Variants in APOLD1 observed in about 807,000 individuals in gnomAD.
The protein encoded by APOLD1 is apolipoprotein L domain containing 1.
APOLD1 carries 22 observed loss-of-function variants against 15.3 expected under a neutral mutation model. That is an observed-to-expected ratio of 1.44 (90% CI 1.03 to 2.05). The LOEUF is 2.05. APOLD1 is among the 30% of genes most tolerant of loss of function. APOLD1 has a pLI of 0.00. For synonymous variants in APOLD1, 190 were observed against 167.4 expected, an observed-to-expected ratio of 1.13 and a Z score of -1.04; for missense variants, 394 against 353.5, an observed-to-expected ratio of 1.11 and a Z score of -0.92.
intron 1 of APOLD1, among the ~76,000 whole-genome samples, chr12:12,741,207 C>T (rs1034839807): frequency 1.3e-5 from 2 of 152,022 alleles, no homozygotes; most frequent in African/African-American, 2.4e-5. Flanking sequence ...ACTTTTTTTA[C>T]GAACTTGAAA....
intron 1 of APOLD1, among the ~76,000 whole-genome samples, chr12:12,745,085 T>C (rs1334124365): frequency 6.6e-6 from 1 of 152,178 alleles, no homozygotes; most frequent in Admixed American, 6.5e-5. Context: ...CCTCCCTTCC[T>C]GTCTAAAAAA....
At chr12:12,739,816 C>CT (rs35885205) in intron 1 of APOLD1, among the ~76,000 whole-genome samples, 19 of 111,730 alleles carry the variant, frequency 1.7e-4, no homozygotes, top group African/African-American at 5.6e-4. Flanking sequence ...CCAGATCCTA[C>CT]TTTTTTTTTT....
intron 1 of APOLD1, among the ~76,000 whole-genome samples, chr12:12,733,310 A>G (rs1041070125): frequency 5.3e-5 from 8 of 152,078 alleles, no homozygotes; most frequent in African/African-American, 9.7e-5. Context: ...GGGTGGCAGA[A>G]CAAGACTGTC....
chr12:12,740,139 G>A (rs540154117), intron 1 of APOLD1, among the ~76,000 whole-genome samples: 53 of 152,176 alleles, frequency 3.5e-4, no homozygotes, highest in Non-Finnish European at 7.1e-4. Context: ...GTGCCACTAC[G>A]CCTGGCTAAT....
chr12:12,750,608 G>A (rs1186512063), intron 1 of APOLD1, among the ~76,000 whole-genome samples: 1 of 151,800 alleles, frequency 6.6e-6, no homozygotes, highest in African/African-American at 2.4e-5. Flanking sequence ...AATATTATTG[G>A]TATTTTCTTA....
At chr12:12,729,724 A>G (rs989944095) in intron 1 of APOLD1, among the ~76,000 whole-genome samples, 11 of 152,004 alleles carry the variant, frequency 7.2e-5, no homozygotes, top group Non-Finnish European at 1.5e-4. Context: ...GTGAGCTATG[A>G]TTTTACTACT....
At chr12:12,758,329 G>C (rs984594034) in intron 1 of APOLD1, among the ~76,000 whole-genome samples, 1 of 151,812 alleles carries the variant, frequency 6.6e-6, no homozygotes, top group Admixed American at 6.6e-5. Flanking sequence ...GGTGGATCAC[G>C]AGGTCAGGAG....
Position 12,787,049 on chromosome 12 carries a change from G to A in APOLD1, c.144G>A (p.Leu48=), listed in dbSNP as rs1054972082. ...AGGTGGCCCGGCGCCTGGAGCGCCTGCGCAGGCGCTCCCTCGTAGCCAACG... is the reference window on the plus strand; with the variant it reads ...AGGTGGCCCGGCGCCTGGAGCGCCTACGCAGGCGCTCCCTCGTAGCCAACG... ...LREVARRLER[L]RRRSLVANVA... The change falls in exon 2 of 2, where the codon CTG becomes CTA. Residue 48 remains leucine (L), a synonymous_variant. Coordinates refer to ENST00000356591, the MANE Select transcript of APOLD1 (RefSeq NM_030817.3). The surrounding 1 kb of genome is among the most constrained non-coding windows in gnomAD (Gnocchi z 4.9). The A allele has an allele frequency of 2.9e-6, 4 of 1,375,744 alleles. No homozygotes were observed. The highest frequency in any genetic ancestry group is 3.0e-5 in the East Asian group (1 of 32,992). 85.2% of individuals were successfully genotyped at this position (1,375,744 alleles called of 1,614,324 possible). A position where few individuals can be genotyped will look rare whatever the true frequency, so the allele number is the denominator to read the frequency against.
At chr12:12,780,911 A>G (rs2136398021), upstream of APOLD1, among the ~76,000 whole-genome samples, 1 of 151,020 alleles carries the variant, frequency 6.6e-6, no homozygotes, top group African/African-American at 2.4e-5. Context: ...ATGTCTCCAA[A>G]AGAGGTCCTA....
intron 1 of APOLD1, among the ~76,000 whole-genome samples, chr12:12,760,826 A>C (rs184561348): frequency 1.3e-5 from 2 of 152,288 alleles, no homozygotes; most frequent in African/African-American, 4.8e-5. Context: ...CAACATATGA[A>C]AGTTACTCTA....
Position 12,787,531 on chromosome 12 carries a change from G to C in APOLD1, c.626G>C (p.Cys209Ser), listed in dbSNP as rs1192233515. The C allele has an allele frequency of 6.2e-7, 1 of 1,613,952 alleles. No homozygotes were observed. The highest frequency in any genetic ancestry group is 1.1e-5 in the South Asian group (1 of 91,088). ...IQKLAESLES[C>S]TGALDELSEQ... ...AAACTGGCCGAGAGCCTGGAGTCCTGCACCGGGGCTCTGGACGAACTCAGC... is the reference window on the plus strand; with the variant it reads ...AAACTGGCCGAGAGCCTGGAGTCCTCCACCGGGGCTCTGGACGAACTCAGC... The change falls in exon 2 of 2, where the codon TGC becomes TCC. Residue 209 changes from cysteine (C) to serine (S), a missense_variant. Coordinates refer to ENST00000356591, the MANE Select transcript of APOLD1 (RefSeq NM_030817.3). This position sits in a 1 kb window ranked among gnomAD's most constrained non-coding sequence, Gnocchi z 4.9.
At chr12:12,776,599 C>T (rs1297335901) in intron 1 of APOLD1, among the ~76,000 whole-genome samples, 3 of 152,190 alleles carry the variant, frequency 2.0e-5, no homozygotes, top group Non-Finnish European at 4.4e-5. Context: ...TGTGCAGGTG[C>T]GCACACCTGT....
rs1037548794 is a variant in APOLD1, at chr12:12,750,213, A to C, written c.96+24117A>C. On this transcript the variant is annotated intron_variant, in intron 1 of 1. Transcript: ENST00000326765. The stretch of plus-strand genomic sequence containing the variant: ...CATGGAGAAACCCTGTCTCTACTAA[A>C]AATACAAAATTAACTGGGTGTGGTG... Among the ~76,000 whole-genome samples the C allele has an allele frequency of 5.9e-5, 9 of 152,222 alleles. No homozygotes were observed. In the South Asian group the frequency reaches 1.0e-3, roughly 18 times the overall value.
chr12:12,765,328 C>T (rs1946935719), intron 1 of APOLD1, among the ~76,000 whole-genome samples: 3 of 152,142 alleles, frequency 2.0e-5, no homozygotes, highest in Admixed American at 2.0e-4. Context: ...GCTGGAACTA[C>T]AGTCTCATAT....
At chr12:12,757,018 C>T (rs150375794) in intron 1 of APOLD1, among the ~76,000 whole-genome samples, 3,243 of 152,266 alleles carry the variant, frequency 0.021, 39 homozygotes, top group South Asian at 0.027. Context: ...AACTCCTGAC[C>T]TTAGGTGATC....
intron 1 of APOLD1, among the ~76,000 whole-genome samples, chr12:12,753,216 TA>T (rs1197826395): frequency 3.3e-5 from 5 of 152,334 alleles, no homozygotes; most frequent in South Asian, 2.1e-4. Flanking sequence ...CAATAGACGA[TA>T]AAACTTCCAT....
In APOLD1 at chr12:12,787,754, C is replaced by T; in HGVS notation, c.*102C>T. ...GAAAACACCAAGCTGGGTTAGGAGC[C>T]GAAGGCAAAGGATGAGAAAAACTGT... On this transcript the variant is annotated 3_prime_UTR_variant, in exon 2 of 2. Coordinates refer to ENST00000356591, the MANE Select transcript of APOLD1 (RefSeq NM_030817.3). This position sits in a 1 kb window ranked among gnomAD's most constrained non-coding sequence, Gnocchi z 4.9. 2 of 1,485,852 alleles carry T rather than the reference C, an allele frequency of 1.3e-6. No individual in the cohort carries two copies. The highest frequency in any genetic ancestry group is 1.8e-6 in the Non-Finnish European group (2 of 1,120,918). 92.0% of individuals were successfully genotyped at this position (1,485,852 alleles called of 1,614,324 possible). A position where few individuals can be genotyped will look rare whatever the true frequency, so the allele number is the denominator to read the frequency against.
At chr12:12,745,536 A>G (rs563810055) in intron 1 of APOLD1, among the ~76,000 whole-genome samples, 11 of 152,130 alleles carry the variant, frequency 7.2e-5, no homozygotes, top group Non-Finnish European at 1.5e-4. Context: ...TCAGAAAAGA[A>G]AAGACTGAAG....
chr12:12,776,354 C>T (rs913312007), intron 1 of APOLD1, among the ~76,000 whole-genome samples: 10 of 152,124 alleles, frequency 6.6e-5, no homozygotes, highest in Non-Finnish European at 1.5e-4. Flanking sequence ...TCTGAGAACT[C>T]GGAAGATAAT....
Sources: allele counts gnomAD v4.1 joint callset (sites outside exome capture counted in the v4.1 genomes callset), GRCh38; gene constraint gnomAD v4.1.1; non-coding constraint Gnocchi (gnomAD v3.1); transcripts MANE v1.5; gene names NCBI Gene and HGNC (gene_info 2026-07-23, HGNC 2026-07-21).